Variants in MCTP2 observed in about 807,000 individuals in gnomAD.
MCTP2 encodes the protein multiple C2 and transmembrane domain-containing protein 2.
In MCTP2, 132 loss-of-function variants were observed where a neutral mutation model predicts 111.6. That is an observed-to-expected ratio of 1.18 (90% CI 1.03 to 1.37). MCTP2 has a LOEUF of 1.37. Ranked by LOEUF, MCTP2 falls within the 40% of genes most tolerant of loss-of-function variation. The probability of loss-of-function intolerance (pLI) is 0.00; values close to 1 mark genes in which losing one functional copy is unlikely to be tolerated. For synonymous variants in MCTP2, 395 were observed against 387.7 expected (o/e 1.02, Z -0.22); for missense variants, 1,183 against 1,067.9 (o/e 1.11, Z -1.50).
At chr15:94,322,271 T>A (rs2076664923) in intron 4 of MCTP2, among the ~76,000 whole-genome samples, 1 of 151,932 alleles carries the variant, frequency 6.6e-6, no homozygotes, top group Non-Finnish European at 1.5e-5. Context: ...TTAGGGCCTT[T>A]AATTCCAATT....
At chr15:94,417,574 T>C (rs1005305482) in intron 17 of MCTP2, among the ~76,000 whole-genome samples, 2 of 152,124 alleles carry the variant, frequency 1.3e-5, no homozygotes, top group African/African-American at 4.8e-5. Context: ...CTGGTGATGT[T>C]TCAGCATTGT....
At chr15:94,262,475 G>C (rs2073240970) in intron 1 of MCTP2, among the ~76,000 whole-genome samples, 1 of 152,114 alleles carries the variant, frequency 6.6e-6, no homozygotes, top group Non-Finnish European at 1.5e-5. Context: ...AATTGTTAAA[G>C]CAAATCTAAC....
At chr15:94,447,364 A>G (rs373703002) in intron 19 of MCTP2, among the ~76,000 whole-genome samples, 2 of 152,124 alleles carry the variant, frequency 1.3e-5, no homozygotes, top group Admixed American at 1.3e-4. Context: ...AGTTTTGTCT[A>G]TAATTCATTT....
At chr15:94,472,565 C>A (rs958641090) in intron 21 of MCTP2, among the ~76,000 whole-genome samples, 3 of 152,104 alleles carry the variant, frequency 2.0e-5, no homozygotes, top group African/African-American at 7.2e-5. Flanking sequence ...TTCTATTTTC[C>A]ACTTTATGGA....
At chr15:94,252,382 A>G (rs765885656) in intron 1 of MCTP2, among the ~76,000 whole-genome samples, 2 of 152,204 alleles carry the variant, frequency 1.3e-5, no homozygotes, top group African/African-American at 2.4e-5. Context: ...TATTGAGTAT[A>G]ACGTTTTTAC....
chr15:94,237,126 T>C (rs2070627399), intron 1 of MCTP2, among the ~76,000 whole-genome samples: 1 of 151,914 alleles, frequency 6.6e-6, no homozygotes, highest in South Asian at 2.1e-4. Flanking sequence ...AGATGTTAGG[T>C]GGATAATTGG....
At chr15:94,245,271 T>C (rs1448343943) in intron 1 of MCTP2, among the ~76,000 whole-genome samples, 2 of 137,456 alleles carry the variant, frequency 1.5e-5, no homozygotes, top group Non-Finnish European at 3.3e-5. Flanking sequence ...CATATGTGTA[T>C]ATACGTATAT....
intron 22 of MCTP2, among the ~76,000 whole-genome samples, chr15:94,477,369 G>C (rs2074451469): frequency 6.6e-6 from 1 of 152,148 alleles, no homozygotes; most frequent in East Asian, 1.9e-4. Flanking sequence ...CACAGATAAT[G>C]GTCACCTAGT....
chr15:94,382,102 CT>C (rs1326719843), intron 12 of MCTP2, among the ~76,000 whole-genome samples: 3 of 152,214 alleles, frequency 2.0e-5, no homozygotes, highest in Non-Finnish European at 4.4e-5. Context: ...CCCGGAGGCC[CT>C]TGCATCGGTC....
chr15:94,346,562 C>G (rs1197995551), intron 8 of MCTP2, among the ~76,000 whole-genome samples: 4 of 152,142 alleles, frequency 2.6e-5, no homozygotes, highest in Non-Finnish European at 5.9e-5. Context: ...TTGGGGAAGC[C>G]TGACAAAGCA....
intron 2 of MCTP2, among the ~76,000 whole-genome samples, chr15:94,302,998 G>T (rs1456116192): frequency 6.6e-6 from 1 of 150,508 alleles, no homozygotes; most frequent in African/African-American, 2.4e-5. Context: ...AGCCAGCAAA[G>T]GGAGAGAGCA....
intron 11 of MCTP2, among the ~76,000 whole-genome samples, chr15:94,369,766 G>A (rs1325860601): frequency 1.3e-5 from 2 of 152,180 alleles, no homozygotes; most frequent in African/African-American, 4.8e-5. Flanking sequence ...GGGAAAAAGA[G>A]CATCAATGTA....
chr15:94,401,795 T>A lies in MCTP2; in HGVS notation c.1966-105T>A, dbSNP rs117279690. The stretch of plus-strand genomic sequence containing the variant: ...TTTCTATTATTATCATATTTTAAAA[T>A]TGGGATCTATACAAAATATAATTTA... On this transcript the variant is annotated intron_variant, in intron 16 of 22. Coordinates refer to ENST00000357742, the MANE Select transcript of MCTP2 (RefSeq NM_001385001.1). The A allele has an allele frequency of 1.8e-3, 1,349 of 755,120 alleles. 16 individuals are homozygous for A. The East Asian group carries it at 0.032, about 18-fold the overall frequency. The allele number at this position is 755,120 out of a possible 1,614,324, so 46.8% of individuals were successfully genotyped here. A position where few individuals can be genotyped will look rare whatever the true frequency, so the allele number is the denominator to read the frequency against.
intron 2 of MCTP2, among the ~76,000 whole-genome samples, chr15:94,298,938 C>T (rs1159118679): frequency 1.0e-3 from 6 of 5,736 alleles, no homozygotes; most frequent in Admixed American, 5.5e-3. Context: ...TTTCCCTCTC[C>T]CTCTCTCCCT....
chr15:94,251,276 A>G (rs2072401976), intron 1 of MCTP2, among the ~76,000 whole-genome samples: 1 of 152,198 alleles, frequency 6.6e-6, no homozygotes, highest in African/African-American at 2.4e-5. Flanking sequence ...CTGTACATTC[A>G]TTCCAACTTG....
chr15:94,430,577 CAAAAAAAAAA>C (rs11289166), intron 17 of MCTP2, among the ~76,000 whole-genome samples: 2 of 96,662 alleles, frequency 2.1e-5, no homozygotes, highest in East Asian at 2.9e-4. Flanking sequence ...ACTAAAAATA[CAAAAAAAAAA>C]AAAAAAAAAA....
intron 21 of MCTP2, among the ~76,000 whole-genome samples, chr15:94,473,351 C>G (rs564589012): frequency 2.0e-5 from 3 of 152,194 alleles, no homozygotes; most frequent in African/African-American, 7.2e-5. Flanking sequence ...AGCTTAATAC[C>G]TGTGCTCTAT....
chr15:94,429,370 T>A (rs2083053790), intron 17 of MCTP2, among the ~76,000 whole-genome samples: 1 of 152,200 alleles, frequency 6.6e-6, no homozygotes, highest in African/African-American at 2.4e-5. Context: ...TTCATTGTAA[T>A]AAACCCTTTC....
At chr15:94,431,596 G>A (rs940645660) in intron 17 of MCTP2, among the ~76,000 whole-genome samples, 4 of 152,148 alleles carry the variant, frequency 2.6e-5, no homozygotes, top group African/African-American at 9.7e-5. Flanking sequence ...ACAAAAAAAG[G>A]CAGTTACAAC....
Sources: gnomAD v4.1 joint callset for allele counts (sites outside exome capture counted in the v4.1 genomes callset) on GRCh38, gnomAD v4.1.1 for gene constraint, MANE v1.5 for transcripts, NCBI Gene and HGNC (gene_info 2026-07-23, HGNC 2026-07-21) for gene names.